The following LTBP1 variants were observed in gnomAD, a reference collection of about 807,000 sequenced individuals.
The protein encoded by LTBP1 is latent transforming growth factor beta binding protein 1.
Under a neutral mutation model 207.6 loss-of-function variants are expected in LTBP1, and 129 were observed. The ratio of observed to expected loss-of-function variants is 0.62; its 90% CI spans 0.54 to 0.72. The LOEUF is 0.72. Among genes scored for constraint, LTBP1 ranks in the 30% least tolerant of loss-of-function variants. LTBP1 has a pLI of 0.00. For synonymous variants in LTBP1, 963 were observed against 833.7 expected (o/e 1.16, Z -2.67); for missense variants, 2,281 against 2,217.2 (o/e 1.03, Z -0.58).
At chr2:32,998,784 T>A (rs1685680141) in intron 2 of LTBP1, among the ~76,000 whole-genome samples, 4 of 152,112 alleles carry the variant, frequency 2.6e-5, no homozygotes, top group African/African-American at 9.7e-5. Context: ...CAAAGTGATG[T>A]TAGCAGTTTG....
At chr2:33,038,742 T>G (rs915938789) in intron 3 of LTBP1, among the ~76,000 whole-genome samples, 2 of 152,224 alleles carry the variant, frequency 1.3e-5, no homozygotes, top group African/African-American at 4.8e-5. Flanking sequence ...AAGGAACCCA[T>G]AGCACTGTTG....
chr2:33,341,447 C>G (rs971259722), intron 24 of LTBP1, among the ~76,000 whole-genome samples: 3 of 151,838 alleles, frequency 2.0e-5, no homozygotes, highest in Non-Finnish European at 4.4e-5. Context: ...TGCGGTGGCT[C>G]AAGCCTGTAA....
chr2:32,973,603 C>T (rs1377983731), intron 2 of LTBP1, among the ~76,000 whole-genome samples: 1 of 152,178 alleles, frequency 6.6e-6, no homozygotes, highest in Admixed American at 6.5e-5. Context: ...ATCTTAACTA[C>T]ATTCCTTAAG....
intron 3 of LTBP1, among the ~76,000 whole-genome samples, chr2:33,046,224 CA>C (rs1369963585): frequency 3.9e-5 from 6 of 152,092 alleles, no homozygotes; most frequent in Admixed American, 3.9e-4. Context: ...AGTTTTTGCC[CA>C]TTCAGTATGA....
chr2:33,275,672 G>A (rs992796723), intron 17 of LTBP1, 129 bp from the exon 18 acceptor site: 75 of 1,182,694 alleles, frequency 6.3e-5, no homozygotes, highest in East Asian at 8.0e-5. Flanking sequence ...CAACAAGAGC[G>A]AAACTCCATC....
intron 28 of LTBP1, among the ~76,000 whole-genome samples, chr2:33,361,730 T>G (rs2094929506): frequency 6.6e-6 from 1 of 152,222 alleles, no homozygotes; most frequent in Admixed American, 6.5e-5. Context: ...GAGGTGAACT[T>G]CTGAGTTTCT....
intron 33 of LTBP1, among the ~76,000 whole-genome samples, chr2:33,397,503 A>G (rs1474823279): frequency 1.3e-5 from 1 of 77,892 alleles, no homozygotes; most frequent in Non-Finnish European, 2.6e-5. Context: ...TTTTACCACA[A>G]TTCTTTTTTT....
chr2:33,359,167 A>G (rs1445031063), intron 26 of LTBP1, among the ~76,000 whole-genome samples: 1 of 152,200 alleles, frequency 6.6e-6, no homozygotes, highest in East Asian at 1.9e-4. Flanking sequence ...CAAAATAATC[A>G]GAGAATTGGC....
At chr2:33,389,057 G>A in intron 31 of LTBP1, 127 bp from the exon 32 acceptor site, 1 of 1,304,814 alleles carries the variant, frequency 7.7e-7, no homozygotes, top group South Asian at 1.4e-5. Flanking sequence ...AGGCTCAGTG[G>A]TACGCAGGAG....
chr2:32,967,819 T>C (rs1402456195), intron 2 of LTBP1, among the ~76,000 whole-genome samples: 1 of 152,198 alleles, frequency 6.6e-6, no homozygotes, highest in East Asian at 1.9e-4. Context: ...TAAATACATG[T>C]CAGTTATTTT....
chr2:33,110,647 A>C lies in LTBP1; in HGVS notation c.929A>C (p.Lys310Thr), dbSNP rs1276015200. The change falls in exon 4 of 34, where the codon AAG becomes ACG. Residue 310 changes from lysine to threonine, a missense_variant. Physicochemically the swap from Lys to Thr is moderately conservative, Grantham distance 78. Transcript: ENST00000404816. ...GGCCAGACCCAGGAATACGTGCTCA[A>C]GCCCAAGTACTTTCCAGCCCAGAAG... ...HHGQTQEYVL[K>T]PKYFPAQKGI... is the part of the protein sequence containing the mutation. The C allele has an allele frequency of 1.2e-6, 2 of 1,614,110 alleles. No individual in the cohort carries two copies. The highest frequency in any genetic ancestry group is 3.3e-5 in the Admixed American group (2 of 60,016).
intron 31 of LTBP1, among the ~76,000 whole-genome samples, chr2:33,366,366 A>T (rs1329773305): frequency 2.0e-5 from 3 of 152,246 alleles, no homozygotes; most frequent in Non-Finnish European, 4.4e-5. Flanking sequence ...AAATTGCTTG[A>T]AAAGAGGAAA....
Position 33,039,349 on chromosome 2 carries a change from C to T in LTBP1, c.863+18143C>T, listed in dbSNP as rs1161279638. Among the ~76,000 whole-genome samples, 5 of 151,652 alleles carry T rather than the reference C, an allele frequency of 3.3e-5. No homozygotes were observed. In the East Asian group the frequency reaches 9.6e-4, roughly 29 times the overall value. ...ATTGTTCTTTCGGAGAGAGAAACCCCACCTGTATATATTTTTTAAGCTGTA... is the reference window on the plus strand; with the variant it reads ...ATTGTTCTTTCGGAGAGAGAAACCCTACCTGTATATATTTTTTAAGCTGTA... On this transcript the variant is annotated intron_variant, in intron 3 of 33. Coordinates refer to ENST00000404816, the MANE Select transcript of LTBP1 (RefSeq NM_206943.4).
chr2:33,167,487 A>G (rs1252914864), intron 5 of LTBP1, among the ~76,000 whole-genome samples: 1 of 152,206 alleles, frequency 6.6e-6, no homozygotes, highest in African/African-American at 2.4e-5. Flanking sequence ...TGGAACTCAT[A>G]TGCTTTTGGA....
chr2:33,032,511 GA>G (rs1490483733), intron 3 of LTBP1, among the ~76,000 whole-genome samples: 23 of 152,268 alleles, frequency 1.5e-4, no homozygotes, highest in African/African-American at 4.1e-4. Context: ...TTAGGTGACA[GA>G]AGTCCTACAT....
chr2:33,241,493 T>G (rs1573379150), intron 9 of LTBP1, among the ~76,000 whole-genome samples: 1 of 152,156 alleles, frequency 6.6e-6, no homozygotes. Flanking sequence ...TTTATGAGTC[T>G]GGGGGGAAAC....
At position 33,050,802 on chromosome 2, in the gene LTBP1, C is replaced by T. The variant is rs181982075; in HGVS notation, c.863+29596C>T. On this transcript the variant is annotated intron_variant, in intron 3 of 33. Coordinates refer to ENST00000404816, the MANE Select transcript of LTBP1 (RefSeq NM_206943.4). ...AGGCTGGAGTGTAATGGCATGATCT[C>T]GGCTGACTGCAACCTCCGCCTCCCG... Among the ~76,000 whole-genome samples the T allele has an allele frequency of 1.1e-4, 17 of 151,242 alleles. No homozygotes were observed. In the East Asian group the frequency reaches 2.0e-3, roughly 17 times the overall value.
Position 33,251,451 on chromosome 2 carries a change from G to A in LTBP1, c.2000-1226G>A, listed in dbSNP as rs552480127. 2.6e-5 allele frequency among the ~76,000 whole-genome samples: 4 copies of A among 152,226 alleles called. No individual in the cohort carries two copies. The East Asian group carries it at 7.7e-4, about 29-fold the overall frequency. On this transcript the variant is annotated intron_variant, in intron 10 of 33. Transcript: ENST00000404816. ...CGAGGCGTGCGGATCACAAGGTCAG[G>A]AGATCGAGAACATCCTGGCTAACAC...
chr2:33,385,640 G>T (rs1376109795), intron 31 of LTBP1, among the ~76,000 whole-genome samples: 1 of 152,186 alleles, frequency 6.6e-6, no homozygotes, highest in Non-Finnish European at 1.5e-5. Context: ...AGTAAGTGGT[G>T]CAGTCAGGAC....
Sources: allele counts gnomAD v4.1 joint callset (sites outside exome capture counted in the v4.1 genomes callset), GRCh38; gene constraint gnomAD v4.1.1; transcripts MANE v1.5; gene names NCBI Gene and HGNC (gene_info 2026-07-23, HGNC 2026-07-21).